The following MTCH1 variants were observed in gnomAD, a reference collection of about 807,000 sequenced individuals.
MTCH1 encodes mitochondrial carrier homolog 1.
Under a neutral mutation model 49.3 loss-of-function variants are expected in MTCH1, and 23 were observed. That is an observed-to-expected ratio of 0.47 (90% CI 0.34 to 0.66). The LOEUF is 0.66. MTCH1 is among the 30% of genes least tolerant of loss of function. MTCH1 has a pLI of 0.01. For missense variants in MTCH1, 397 were observed against 532.1 expected, an observed-to-expected ratio of 0.75 and a Z score of 2.50; for synonymous variants, 229 against 215.2, an observed-to-expected ratio of 1.06 and a Z score of -0.56.
intron 1 of MTCH1, among the ~76,000 whole-genome samples, chr6:36,983,028 T>C (rs1363747815): frequency 6.6e-6 from 1 of 152,238 alleles, no homozygotes; most frequent in Non-Finnish European, 1.5e-5. Context: ...CCAGTGCTTT[T>C]TGGGATCAAC....
intron 1 of MTCH1, among the ~76,000 whole-genome samples, chr6:36,984,903 TCTC>T (rs533543909): frequency 3.9e-4 from 59 of 152,036 alleles, no homozygotes; most frequent in Admixed American, 1.8e-3. Flanking sequence ...CCGTGCCCCT[TCTC>T]CTCATCTGCC....
intron 1 of MTCH1, among the ~76,000 whole-genome samples, chr6:36,984,773 C>T (rs138667053): frequency 4.6e-5 from 7 of 152,260 alleles, no homozygotes; most frequent in Non-Finnish European, 7.4e-5. Flanking sequence ...ACCAAATCTG[C>T]CAAGTGCCTA....
intron 1 of MTCH1, among the ~76,000 whole-genome samples, chr6:36,983,609 C>T (rs963276076): frequency 1.3e-5 from 2 of 152,196 alleles, no homozygotes; most frequent in African/African-American, 4.8e-5. Context: ...ATTTCAACCT[C>T]AAATCTGTTA....
chr6:36,969,586 C>CA, intron 11 of MTCH1: 1 of 1,169,454 alleles, frequency 8.6e-7, no homozygotes, highest in Non-Finnish European at 1.1e-6. Context: ...GCCCCACCCA[C>CA]AGGCTCTCCT....
In MTCH1 at chr6:36,977,895, A is replaced by G. The variant is rs1301525965; in HGVS notation, c.591+183T>C. Among the ~76,000 whole-genome samples the G allele has an allele frequency of 2.6e-5, 4 of 152,108 alleles. No homozygotes were observed. Among genetic ancestry groups the G allele is most frequent in the African/African-American group, 9.7e-5 (4 of 41,394 alleles). The stretch of plus-strand genomic sequence containing the variant: ...GTCGGGTCCCAGGCTAGGCCCAACA[A>G]TGGCTGAGAAGGCTTTCCGGGGTTC... On this transcript the variant is annotated intron_variant, in intron 4 of 11. Coordinates refer to ENST00000373627, the MANE Select transcript of MTCH1 (RefSeq NM_001271641.2). This position sits in a 1 kb window ranked among gnomAD's most constrained non-coding sequence, Gnocchi z 5.4.
intron 8 of MTCH1, 185 bp from the exon 9 acceptor site, chr6:36,970,879 T>C (rs1763659045): frequency 1.5e-6 from 1 of 684,028 alleles, no homozygotes; most frequent in Non-Finnish European, 2.5e-6. Flanking sequence ...GTAAGTGGAC[T>C]GAAGGGAGTC....
intron 10 of MTCH1, 92 bp downstream of exon 10, chr6:36,970,313 TG>T: frequency 1.3e-6 from 2 of 1,530,116 alleles, no homozygotes; most frequent in Non-Finnish European, 1.8e-6. Flanking sequence ...ACAGAGCAGG[TG>T]GGAGGGGGCA....
In MTCH1 at chr6:36,986,181, G is replaced by C; in HGVS notation, c.-8C>G. 7 of 1,424,536 alleles carry C rather than the reference G, an allele frequency of 4.9e-6. No homozygotes were observed. The highest frequency in any genetic ancestry group is 6.4e-6 in the Non-Finnish European group (7 of 1,097,900). The allele number at this position is 1,424,536 out of a possible 1,614,324, so 88.2% of individuals were successfully genotyped here. A position where few individuals can be genotyped will look rare whatever the true frequency, so the allele number is the denominator to read the frequency against. On this transcript the variant is annotated 5_prime_UTR_variant, in exon 1 of 12. Transcript: ENST00000373627. ...CGGGTCCGAAGCTCCCATGGCGCCCGGCGGCGAGGTCACTCCCCGTCACGT... is the reference window on the plus strand; with the variant it reads ...CGGGTCCGAAGCTCCCATGGCGCCCCGCGGCGAGGTCACTCCCCGTCACGT...
At chr6:36,979,051 A>G (rs1342148388) in intron 2 of MTCH1, among the ~76,000 whole-genome samples, 1 of 152,154 alleles carries the variant, frequency 6.6e-6, no homozygotes, top group Non-Finnish European at 1.5e-5. Context: ...GCAGGGAATG[A>G]TGAAGTCTTC....
chr6:36,983,856 T>C (rs772445216), intron 1 of MTCH1, among the ~76,000 whole-genome samples: 1 of 152,156 alleles, frequency 6.6e-6, no homozygotes. Context: ...ACTATACCCA[T>C]TGAAGATCTT....
intron 11 of MTCH1, chr6:36,969,281 C>A: frequency 5.1e-6 from 5 of 985,422 alleles, no homozygotes; most frequent in Non-Finnish European, 6.0e-6. Flanking sequence ...ATAGGGAGGA[C>A]GAGACACACT....
intron 6 of MTCH1, among the ~76,000 whole-genome samples, chr6:36,976,855 T>C (rs949159066): frequency 6.6e-6 from 1 of 152,136 alleles, no homozygotes; most frequent in African/African-American, 2.4e-5. Context: ...GAAAAATCGT[T>C]AGAGCATTAC....
intron 11 of MTCH1, chr6:36,969,282 G>C (rs77474627): frequency 5.2e-5 from 51 of 985,298 alleles, no homozygotes; most frequent in Non-Finnish European, 5.9e-5. Context: ...TAGGGAGGAC[G>C]AGACACACTC....
intron 11 of MTCH1, 180 bp from the exon 12 acceptor site, chr6:36,969,154 C>T (rs769083284): frequency 2.1e-5 from 21 of 985,370 alleles, no homozygotes; most frequent in South Asian, 4.7e-5. Context: ...CAGAAGGGAG[C>T]GGTTCATTTC....
At chr6:36,974,012 T>C (rs944849418) in intron 7 of MTCH1, among the ~76,000 whole-genome samples, 2 of 152,300 alleles carry the variant, frequency 1.3e-5, no homozygotes. Context: ...GATGAGTTGT[T>C]TTTTGACTTG....
At chr6:36,973,927 C>G (rs369110784) in intron 7 of MTCH1, among the ~76,000 whole-genome samples, 131 of 152,330 alleles carry the variant, frequency 8.6e-4, no homozygotes, top group African/African-American at 3.0e-3. Context: ...CTTACTTCAC[C>G]TCTAAAGAAA....
rs1763856054 is a variant in MTCH1 at position 36,975,728 on chromosome 6, G to A, written c.702-11C>T. ...GAGCTCAGCACACCACTGTGAAGAA[G>A]GCAAGACAGAGATACAGGGTCATGC... On this transcript the variant is annotated splice_polypyrimidine_tract_variant and intron_variant, in intron 6 of 11. Coordinates refer to ENST00000373627, the MANE Select transcript of MTCH1 (RefSeq NM_001271641.2). 2.5e-6 allele frequency: 4 copies of A among 1,613,664 alleles called. No individual in the cohort carries two copies. The highest frequency in any genetic ancestry group is 3.4e-6 in the Non-Finnish European group (4 of 1,179,794).
chr6:36,971,348 T>C (rs1378607959), intron 8 of MTCH1, among the ~76,000 whole-genome samples: 3 of 152,144 alleles, frequency 2.0e-5, no homozygotes, highest in African/African-American at 7.2e-5. Context: ...AAAAACACTT[T>C]AGACAAATCT....
chr6:36,978,472 C>A, intron 3 of MTCH1, 33 bp downstream of exon 3: 1 of 1,603,622 alleles, frequency 6.2e-7, no homozygotes. Flanking sequence ...GAGGAAACCT[C>A]GGGCGACTGT....
Sources: allele counts gnomAD v4.1 joint callset (sites outside exome capture counted in the v4.1 genomes callset), GRCh38; gene constraint gnomAD v4.1.1; non-coding constraint Gnocchi (gnomAD v3.1); transcripts MANE v1.5; gene names NCBI Gene and HGNC (gene_info 2026-07-23, HGNC 2026-07-21).